The following PCDHA11 variants were observed in gnomAD, a reference collection of about 807,000 sequenced individuals.
PCDHA11 encodes protocadherin alpha 11, also known as protocadherin alpha-11.
Under a neutral mutation model 70.3 loss-of-function variants are expected in PCDHA11, and 61 were observed. The observed-to-expected ratio is 0.87, with a 90% CI of 0.71 to 1.07. PCDHA11 has a LOEUF of 1.07. Among genes scored for constraint, PCDHA11 ranks in the 50% least tolerant of loss-of-function variants. PCDHA11 has a pLI of 0.00. For synonymous variants in PCDHA11, 633 were observed against 555.1 expected (o/e 1.14, Z -1.97); for missense variants, 1,324 against 1,237.5 (o/e 1.07, Z -1.05).
At chr5:140,993,137 A>G (rs1336525759) in intron 3 of PCDHA11, among the ~76,000 whole-genome samples, 12 of 152,212 alleles carry the variant, frequency 7.9e-5, no homozygotes, top group African/African-American at 2.7e-4. Flanking sequence ...CTGTTGCAAC[A>G]AGTATAAATG....
At chr5:140,928,007 A>G in intron 1 of PCDHA11, 3 of 1,614,116 alleles carry the variant, frequency 1.9e-6, no homozygotes, top group Non-Finnish European at 2.5e-6. Context: ...CTCGATTCTA[A>G]TGGTAGGGTC....
intron 1 of PCDHA11, among the ~76,000 whole-genome samples, chr5:140,898,151 CT>C (rs2066567806): frequency 6.6e-6 from 1 of 152,158 alleles, no homozygotes; most frequent in Admixed American, 6.5e-5. Context: ...CCTGTTCACG[CT>C]GATGGTGGTT....
chr5:140,921,471 A>G (rs2080231314), intron 1 of PCDHA11, among the ~76,000 whole-genome samples: 1 of 152,182 alleles, frequency 6.6e-6, no homozygotes, highest in Non-Finnish European at 1.5e-5. Context: ...ACCACTACCA[A>G]ACCACTCTAC....
intron 1 of PCDHA11, among the ~76,000 whole-genome samples, chr5:140,921,063 T>G (rs1054649837): frequency 6.6e-6 from 1 of 152,078 alleles, no homozygotes; most frequent in Admixed American, 6.6e-5. Context: ...CACTCTAACC[T>G]TGAACTCTTG....
In PCDHA11 at chr5:140,881,260, A is replaced by G. The variant is rs1223751140; in HGVS notation, c.2391+9766A>G. The G allele has an allele frequency of 7.6e-6, 4 of 528,232 alleles. No individual in the cohort carries two copies. In the African/African-American group the frequency reaches 8.2e-5, roughly 11 times the overall value. The allele number at this position is 528,232 out of a possible 1,614,324, so 32.7% of individuals were successfully genotyped here. On this transcript the variant is annotated intron_variant, in intron 1 of 3. Transcript: ENST00000398640. ...TTTAAATGACGGCAAGGTTTTACTC[A>G]GTGATGATGAAGTAAGATGGAGAGA... is the stretch of plus-strand genomic sequence containing the variant.
At position 140,981,034 on chromosome 5, in the gene PCDHA11, A is replaced by G. The variant is rs376817771; in HGVS notation, c.2451-1441A>G. ...ACTTGAAGGCTGTTAATATTTGGGGAAAAAAAACAGATAATTCTAGAGTGT... is the reference window on the plus strand; with the variant it reads ...ACTTGAAGGCTGTTAATATTTGGGGGAAAAAAACAGATAATTCTAGAGTGT... On this transcript the variant is annotated intron_variant, in intron 2 of 3. Transcript: ENST00000398640. Among the ~76,000 whole-genome samples, 183 of 149,642 alleles carry G rather than the reference A, an allele frequency of 1.2e-3. 1 individual carries two copies. Among genetic ancestry groups the G allele is most frequent in the African/African-American group, 4.1e-3 (163 of 39,298 alleles).
intron 1 of PCDHA11, among the ~76,000 whole-genome samples, chr5:140,951,121 C>A (rs1223231581): frequency 6.9e-6 from 1 of 145,374 alleles, no homozygotes; most frequent in African/African-American, 2.6e-5. Context: ...TCATTCCTTA[C>A]CAATAAGTTT....
intron 1 of PCDHA11, among the ~76,000 whole-genome samples, chr5:140,907,449 A>G (rs1554192997): frequency 6.6e-6 from 1 of 152,232 alleles, no homozygotes; most frequent in Admixed American, 6.5e-5. Flanking sequence ...ACAGATGGTA[A>G]TCTTGGCAGA....
intron 1 of PCDHA11, among the ~76,000 whole-genome samples, chr5:140,909,815 C>A (rs1168197798): frequency 3.9e-5 from 6 of 152,094 alleles, no homozygotes; most frequent in Non-Finnish European, 8.8e-5. Flanking sequence ...ACTCCATAAG[C>A]CCCTACTTTA....
chr5:140,990,605 A>T (rs1234326404), intron 3 of PCDHA11, among the ~76,000 whole-genome samples: 4 of 152,214 alleles, frequency 2.6e-5, no homozygotes, highest in Non-Finnish European at 4.4e-5. Flanking sequence ...GAGTCAGATG[A>T]ATACCGTAAA....
chr5:140,971,500 TAGG>T (rs2096483491), intron 1 of PCDHA11, among the ~76,000 whole-genome samples: 2 of 152,136 alleles, frequency 1.3e-5, no homozygotes, highest in Admixed American at 1.3e-4. Flanking sequence ...TGTGGCAAGA[TAGG>T]AGCAAAAGCC....
intron 3 of PCDHA11, among the ~76,000 whole-genome samples, chr5:140,999,367 C>T (rs1229497053): frequency 4.6e-5 from 7 of 152,100 alleles, no homozygotes; most frequent in African/African-American, 1.7e-4. Flanking sequence ...TTCACAATCC[C>T]ATTAGATGGT....
intron 1 of PCDHA11, among the ~76,000 whole-genome samples, chr5:140,964,823 G>A (rs541084771): frequency 2.6e-5 from 4 of 152,218 alleles, no homozygotes; most frequent in Non-Finnish European, 1.5e-5. Context: ...AGATTTTGAT[G>A]AAAATTGCTT....
At chr5:140,994,939 C>T (rs1210134523) in intron 3 of PCDHA11, among the ~76,000 whole-genome samples, 5 of 152,160 alleles carry the variant, frequency 3.3e-5, no homozygotes, top group Non-Finnish European at 7.3e-5. Context: ...CTTAAACATC[C>T]TGCTAAATAA....
chr5:140,976,427 T>C (rs2096715861), intron 1 of PCDHA11, among the ~76,000 whole-genome samples: 1 of 152,064 alleles, frequency 6.6e-6, no homozygotes, highest in Admixed American at 6.5e-5. Flanking sequence ...GGCAGATGCC[T>C]GTAATCCCAG....
At chr5:140,876,361 C>A in intron 1 of PCDHA11, 1 of 1,613,880 alleles carries the variant, frequency 6.2e-7, no homozygotes. Flanking sequence ...TTCAATAAAT[C>A]CAGACACAGG....
At position 140,925,289 on chromosome 5, in the gene PCDHA11, G is replaced by T. The variant is rs190990360; in HGVS notation, c.2392-53660G>T. Among the ~76,000 whole-genome samples, 1,224 of 152,222 alleles carry T rather than the reference G, an allele frequency of 8.0e-3. 6 individuals carry two copies. The highest frequency in any genetic ancestry group is 0.019 in the African/African-American group (790 of 41,540). On this transcript the variant is annotated intron_variant, in intron 1 of 3. Coordinates refer to ENST00000398640, the MANE Select transcript of PCDHA11 (RefSeq NM_018902.5). The stretch of plus-strand genomic sequence containing the variant: ...TGTGTTCAGATTTTGCCTTTCAAAT[G>T]TTTCATTATTGGGGCTTTGGACATA...
At chr5:140,883,781 T>C (rs1156481556) in intron 1 of PCDHA11, 1 of 1,612,432 alleles carries the variant, frequency 6.2e-7, no homozygotes, top group Non-Finnish European at 8.5e-7. Flanking sequence ...GCGTGCGCTG[T>C]CGAGCTACGT....
chr5:140,893,863 A>G (rs568224949), intron 1 of PCDHA11, among the ~76,000 whole-genome samples: 1 of 152,300 alleles, frequency 6.6e-6, no homozygotes, highest in African/African-American at 2.4e-5. Context: ...GTATAGAAAC[A>G]ACCCAGATCC....
Sources: allele counts gnomAD v4.1 joint callset (sites outside exome capture counted in the v4.1 genomes callset), GRCh38; gene constraint gnomAD v4.1.1; transcripts MANE v1.5; gene names NCBI Gene and HGNC (gene_info 2026-07-23, HGNC 2026-07-21).